SLC71A2: variants seen among roughly 807,000 people sequenced by gnomAD.
SLC71A2 encodes solute carrier family 71 member 2.
At chr9:94,459,564 C>T in the SLC71A2 span, 1 of 607,574 alleles carries the variant, frequency 1.6e-6, no homozygotes, top group Non-Finnish European at 2.5e-6. Flanking sequence ...TCTGCTCATC[C>T]TCCTCCTGTT....
chr9:94,424,231 T>G, the SLC71A2 span, among the ~76,000 whole-genome samples: 3,298 of 149,408 alleles, frequency 0.022, 120 homozygotes, highest in African/African-American at 0.078. Flanking sequence ...TAGTAATATG[T>G]TTTTTTTTGG....
the SLC71A2 span, among the ~76,000 whole-genome samples, chr9:94,453,760 G>C: frequency 6.6e-6 from 1 of 152,182 alleles, no homozygotes; most frequent in Non-Finnish European, 1.5e-5. Flanking sequence ...AAAGCATTGA[G>C]CCCCAGGTCA....
At chr9:94,443,042 A>G in the SLC71A2 span, among the ~76,000 whole-genome samples, 1 of 152,040 alleles carries the variant, frequency 6.6e-6, no homozygotes, top group Non-Finnish European at 1.5e-5. Context: ...TTTCTGCAAT[A>G]TTTGATTTTT....
chr9:94,442,670 G>T, the SLC71A2 span, among the ~76,000 whole-genome samples: 1 of 137,982 alleles, frequency 7.2e-6, no homozygotes, highest in East Asian at 2.0e-4. Context: ...GGCCAACATG[G>T]TGAAACCCCG....
the SLC71A2 span, among the ~76,000 whole-genome samples, chr9:94,408,824 TTTG>T: frequency 2.3e-5 from 2 of 88,380 alleles, no homozygotes; most frequent in African/African-American, 5.9e-5. Context: ...TTCTGTTTTT[TTTG>T]TTTGTTTGTT....
chr9:94,460,482 T>C, the SLC71A2 span: 3 of 150,016 alleles, frequency 2.0e-5, no homozygotes, highest in African/African-American at 7.3e-5. Flanking sequence ...CTTTCTAAAA[T>C]AAGGTTTTAT....
At chr9:94,427,855 G>A in the SLC71A2 span, among the ~76,000 whole-genome samples, 1 of 146,980 alleles carries the variant, frequency 6.8e-6, no homozygotes, top group East Asian at 2.0e-4. Context: ...CGGGAGCAGT[G>A]GCTCACGCCT....
the SLC71A2 span, among the ~76,000 whole-genome samples, chr9:94,443,964 C>G: frequency 6.6e-6 from 1 of 152,046 alleles, no homozygotes; most frequent in Non-Finnish European, 1.5e-5. Context: ...TTTTCCCCTC[C>G]AAAAATACTT....
the SLC71A2 span, among the ~76,000 whole-genome samples, chr9:94,389,401 G>T: frequency 1.3e-5 from 2 of 151,524 alleles, no homozygotes; most frequent in African/African-American, 4.9e-5. Context: ...AAGTAGCTGG[G>T]ACTACAAGCA....
chr9:94,382,283 T>A, the SLC71A2 span, among the ~76,000 whole-genome samples: 1 of 152,158 alleles, frequency 6.6e-6, no homozygotes, highest in Non-Finnish European at 1.5e-5. Context: ...TGCCTCAGCC[T>A]CGCAAAGTGC....
chr9:94,412,475 T>C, the SLC71A2 span, among the ~76,000 whole-genome samples: 11 of 152,370 alleles, frequency 7.2e-5, no homozygotes, highest in Middle Eastern at 3.4e-3. Context: ...TTCACCCTTA[T>C]GTGTATAGCC....
chr9:94,424,903 CTTT>C, the SLC71A2 span, among the ~76,000 whole-genome samples: 17 of 135,588 alleles, frequency 1.3e-4, no homozygotes, highest in East Asian at 2.1e-4. Flanking sequence ...CCACAACTGG[CTTT>C]TTTTTTTTTT....
the SLC71A2 span, among the ~76,000 whole-genome samples, chr9:94,384,742 G>A: frequency 4.6e-5 from 7 of 152,074 alleles, no homozygotes; most frequent in Non-Finnish European, 7.3e-5. Context: ...GCTATGGTGC[G>A]AATGTCTCAC....
the SLC71A2 span, among the ~76,000 whole-genome samples, chr9:94,382,123 C>A: frequency 2.5e-4 from 38 of 150,186 alleles, 1 homozygote; most frequent in African/African-American, 7.3e-4. Context: ...ACCTCCTGGG[C>A]GCAGGTAATT....
At chr9:94,431,282 C>T in the SLC71A2 span, among the ~76,000 whole-genome samples, 1 of 150,308 alleles carries the variant, frequency 6.7e-6, no homozygotes, top group Non-Finnish European at 1.5e-5. Flanking sequence ...CACTGCACTC[C>T]AGCCTGGGCG....
the SLC71A2 span, among the ~76,000 whole-genome samples, chr9:94,457,049 C>T: frequency 6.6e-6 from 1 of 151,650 alleles, no homozygotes; most frequent in Non-Finnish European, 1.5e-5. Flanking sequence ...TCCCTGCAGC[C>T]TCCGTCTCCT....
the SLC71A2 span, chr9:94,451,378 T>C: frequency 1.4e-6 from 1 of 705,222 alleles, no homozygotes; most frequent in Non-Finnish European, 2.2e-6. Context: ...CCTAGACTTA[T>C]CATTGTAATA....
At chr9:94,379,614 C>T in the SLC71A2 span, among the ~76,000 whole-genome samples, 1 of 151,860 alleles carries the variant, frequency 6.6e-6, no homozygotes, top group African/African-American at 2.4e-5. Flanking sequence ...TTGTCTTGAA[C>T]TCCTGGCCTC....
chr9:94,400,258 G>A, the SLC71A2 span, among the ~76,000 whole-genome samples: 2 of 152,170 alleles, frequency 1.3e-5, no homozygotes, highest in East Asian at 1.9e-4. Flanking sequence ...CAGCAATTAG[G>A]AAAAGGATAA....
Sources: gnomAD v4.1 joint callset for allele counts (sites outside exome capture counted in the v4.1 genomes callset) on GRCh38, gnomAD v4.1.1 for gene constraint, MANE v1.5 for transcripts, NCBI Gene and HGNC (gene_info 2026-07-23, HGNC 2026-07-21) for gene names.